The following CDYL variants were observed in gnomAD, a reference collection of about 807,000 sequenced individuals.
CDYL encodes chromodomain Y like, also known as chromodomain Y-like protein.
CDYL carries 8 observed loss-of-function variants against 47.3 expected under a neutral mutation model. The observed-to-expected ratio is 0.17, with a 90% confidence interval of 0.10 to 0.31. CDYL has a LOEUF of 0.31. Among genes scored for constraint, CDYL ranks in the 10% least tolerant of loss-of-function variants. The pLI is 1.00. For synonymous variants in CDYL, 266 were observed against 265.0 expected, an observed-to-expected ratio of 1.00 and a Z score of -0.04; for missense variants, 471 against 701.4, an observed-to-expected ratio of 0.67 and a Z score of 3.71.
rs531735091 is a variant in CDYL, at chr6:4,824,290, A to G, written c.24+47483A>G. On this transcript the variant is annotated intron_variant, in intron 1 of 6. Coordinates refer to ENST00000397588, the MANE Select transcript of CDYL (RefSeq NM_004824.4). ...GCATGGTGGATCATTGTTGGGTCATATGGTAATTCGATGTTTAACTTTTTG... is the reference window on the plus strand; with the variant it reads ...GCATGGTGGATCATTGTTGGGTCATGTGGTAATTCGATGTTTAACTTTTTG... Among the ~76,000 whole-genome samples the G allele has an allele frequency of 1.9e-4, 29 of 152,222 alleles. 1 individual carries two copies. The highest frequency in any genetic ancestry group is 1.8e-3 in the Admixed American group (27 of 15,276).
chr6:4,768,134 T>C (rs972446184), intron 3 of CDYL, among the ~76,000 whole-genome samples: 4 of 152,336 alleles, frequency 2.6e-5, no homozygotes, highest in South Asian at 4.1e-4. Context: ...CATCTAGGCC[T>C]TTGGAAAAAG....
chr6:4,741,470 A>G (rs1312809364), intron 3 of CDYL, among the ~76,000 whole-genome samples: 2 of 152,222 alleles, frequency 1.3e-5, no homozygotes, highest in African/African-American at 4.8e-5. Flanking sequence ...TGGTAGCTCC[A>G]TGACATCATC....
intron 1 of CDYL, among the ~76,000 whole-genome samples, chr6:4,836,851 A>T (rs925984830): frequency 2.6e-5 from 4 of 152,120 alleles, no homozygotes; most frequent in Admixed American, 2.0e-4. Context: ...TCACTTGTAG[A>T]CCTTGCGCCT....
At position 4,734,842 on chromosome 6, in the gene CDYL, C is replaced by T; in HGVS notation, c.184C>T (p.Gln62Ter). 1 of 1,614,046 alleles carries T rather than the reference C, an allele frequency of 6.2e-7. No homozygotes were observed. Among genetic ancestry groups the T allele is most frequent in the Non-Finnish European group, 8.5e-7 (1 of 1,179,990 alleles). The change falls in exon 3 of 9, where the codon CAG becomes TAG. Residue 62 changes from glutamine to a stop codon, truncating the protein, a stop_gained and splice_region_variant. Transcript: ENST00000328908. LOFTEE classifies it high-confidence loss of function. ...CGGGGCACAGCAGCCTCCCGCTTTA[C>T]AGGTAGGTCTTGGTTTCTCCCAGTG...
chr6:4,726,675 T>G, intron 2 of CDYL, among the ~76,000 whole-genome samples: 1 of 150,802 alleles, frequency 6.6e-6, no homozygotes, highest in South Asian at 2.1e-4. Flanking sequence ...TAGTCCAGCC[T>G]GGGTGAGAGA....
intron 3 of CDYL, among the ~76,000 whole-genome samples, chr6:4,740,425 G>A (rs1757776892): frequency 6.6e-6 from 1 of 152,118 alleles, no homozygotes; most frequent in African/African-American, 2.4e-5. Context: ...TCGAGGCCAG[G>A]GAACTGCTGA....
chr6:4,819,182 G>A (rs904112031), intron 1 of CDYL, among the ~76,000 whole-genome samples: 2 of 143,394 alleles, frequency 1.4e-5, no homozygotes, highest in Non-Finnish European at 3.1e-5. Context: ...GTGTGTGTGT[G>A]TAGCTCTTCA....
chr6:4,930,870 C>G (rs1415263755), intron 2 of CDYL, among the ~76,000 whole-genome samples: 1 of 152,236 alleles, frequency 6.6e-6, no homozygotes, highest in Non-Finnish European at 1.5e-5. Context: ...GTAAGGAACT[C>G]TCAGTTCACA....
At chr6:4,851,589 G>T (rs1760828519) in intron 1 of CDYL, among the ~76,000 whole-genome samples, 1 of 152,210 alleles carries the variant, frequency 6.6e-6, no homozygotes, top group Non-Finnish European at 1.5e-5. Context: ...TCGGCCGTTT[G>T]TGAGGGGATT....
chr6:4,866,161 A>G lies in CDYL; in HGVS notation c.25-25552A>G, dbSNP rs369310735. ...GGGCCAACGAAGAAAACAAACCGGAATTAAGAGTGGTTGTCAAAATTTTGG... is the reference window on the plus strand; with the variant it reads ...GGGCCAACGAAGAAAACAAACCGGAGTTAAGAGTGGTTGTCAAAATTTTGG... On this transcript the variant is annotated intron_variant, in intron 1 of 6. Transcript: ENST00000397588. Among the ~76,000 whole-genome samples, 18 of 152,310 alleles carry G rather than the reference A, an allele frequency of 1.2e-4. No homozygotes were observed. The East Asian group carries it at 2.3e-3, about 20-fold the overall frequency.
chr6:4,724,721 G>A (rs968596459), intron 2 of CDYL: 4 of 152,156 alleles, frequency 2.6e-5, no homozygotes, highest in African/African-American at 7.2e-5. Flanking sequence ...CCTCTCGTTG[G>A]GTTCGTGGTC....
In CDYL at chr6:4,892,185, T is replaced by C; in HGVS notation, c.497T>C (p.Leu166Pro). The change falls in exon 2 of 7, where the codon CTG (leucine) becomes CCG (proline). Residue 166 changes from leucine to proline, a missense_variant. By Grantham distance (98) the Leu-to-Pro change is moderately conservative. Transcript: ENST00000397588. ...DGFQSESPEK[L>P]DPVEQGQEDT... ...TTTCAGAGCGAGAGCCCTGAGAAAC[T>C]GGACCCCGTCGAGCAGGGTCAGGAG... is the stretch of plus-strand genomic sequence containing the variant. The C allele has an allele frequency of 2.5e-6, 4 of 1,614,196 alleles. No individual in the cohort carries two copies. The highest frequency in any genetic ancestry group is 3.4e-6 in the Non-Finnish European group (4 of 1,180,036).
chr6:4,874,182 C>T (rs78303368), intron 1 of CDYL, among the ~76,000 whole-genome samples: 3,471 of 152,016 alleles, frequency 0.023, 140 homozygotes, highest in African/African-American at 0.08. Flanking sequence ...TATTTATTGG[C>T]CATTTGTATT....
At chr6:4,847,079 C>T (rs1253076466) in intron 1 of CDYL, among the ~76,000 whole-genome samples, 1 of 152,218 alleles carries the variant, frequency 6.6e-6, no homozygotes, top group Admixed American at 6.5e-5. Flanking sequence ...TCATGTCTAT[C>T]TGCTGCTTAA....
At chr6:4,899,417 A>G (rs1481375773) in intron 2 of CDYL, among the ~76,000 whole-genome samples, 2 of 152,244 alleles carry the variant, frequency 1.3e-5, no homozygotes, top group Admixed American at 1.3e-4. Flanking sequence ...GGGCTCATAT[A>G]CCATTTTAAC....
At chr6:4,890,931 G>A (rs539116032) in intron 1 of CDYL, among the ~76,000 whole-genome samples, 35 of 152,192 alleles carry the variant, frequency 2.3e-4, no homozygotes, top group East Asian at 7.7e-4. Context: ...CATAACTCTC[G>A]TTCATGTGAG....
At chr6:4,801,678 A>G (rs1329617668) in intron 1 of CDYL, among the ~76,000 whole-genome samples, 1 of 152,084 alleles carries the variant, frequency 6.6e-6, no homozygotes, top group African/African-American at 2.4e-5. Flanking sequence ...TAAGGATCTG[A>G]GTAGAGATGG....
At chr6:4,734,576 A>C (rs551034660) in intron 2 of CDYL, among the ~76,000 whole-genome samples, 1 of 152,210 alleles carries the variant, frequency 6.6e-6, no homozygotes, top group Non-Finnish European at 1.5e-5. Context: ...TGCTGCAGCA[A>C]GACTTTTGCA....
At chr6:4,946,266 C>T (rs1758513398) in intron 5 of CDYL, among the ~76,000 whole-genome samples, 1 of 152,194 alleles carries the variant, frequency 6.6e-6, no homozygotes, top group South Asian at 2.1e-4. Flanking sequence ...CTGCACGCTT[C>T]CCATTCCTCC....
Sources: allele counts gnomAD v4.1 joint callset (sites outside exome capture counted in the v4.1 genomes callset), GRCh38; gene constraint gnomAD v4.1.1; transcripts MANE v1.5; gene names NCBI Gene and HGNC (gene_info 2026-07-23, HGNC 2026-07-21).